The following ZNF804B variants were observed in gnomAD, a reference collection of about 807,000 sequenced individuals.
ZNF804B encodes zinc finger protein 804B, also known as zinc finger 804B.
A neutral mutation model predicts 101.4 loss-of-function variants in ZNF804B; 80 were observed. The ratio of observed to expected loss-of-function variants is 0.79; its 90% CI spans 0.66 to 0.95. ZNF804B has a LOEUF of 0.95. ZNF804B is among the 40% of genes least tolerant of loss of function. The probability of loss-of-function intolerance (pLI) is 0.00; values close to 1 mark genes in which losing one functional copy is unlikely to be tolerated. For synonymous variants in ZNF804B, 622 were observed against 558.8 expected (o/e 1.11, Z -1.59); for missense variants, 1,673 against 1,561.9 (o/e 1.07, Z -1.20).
chr7:89,123,833 T>C (rs1790440017), intron 1 of ZNF804B, among the ~76,000 whole-genome samples: 1 of 152,156 alleles, frequency 6.6e-6, no homozygotes, highest in African/African-American at 2.4e-5. Context: ...CCAGGTAGCC[T>C]GGAAACTTGG....
chr7:88,777,596 A>T (rs1215029171), intron 1 of ZNF804B, among the ~76,000 whole-genome samples: 2 of 152,152 alleles, frequency 1.3e-5, no homozygotes, highest in African/African-American at 4.8e-5. Context: ...TAATACCAGC[A>T]CTTTGGGAGG....
intron 1 of ZNF804B, among the ~76,000 whole-genome samples, chr7:88,846,147 A>T (rs1332112695): frequency 6.6e-6 from 1 of 152,236 alleles, no homozygotes; most frequent in East Asian, 1.9e-4. Context: ...ATAATGCCAT[A>T]ACTCTTGATG....
chr7:89,267,637 A>G (rs796705257), intron 2 of ZNF804B, among the ~76,000 whole-genome samples: 5 of 152,272 alleles, frequency 3.3e-5, no homozygotes, highest in African/African-American at 1.2e-4. Context: ...CTGGTTGTCC[A>G]CAGTCAGTTA....
At chr7:88,932,173 G>C (rs963385715) in intron 1 of ZNF804B, among the ~76,000 whole-genome samples, 9 of 151,792 alleles carry the variant, frequency 5.9e-5, no homozygotes, top group South Asian at 2.1e-4. Context: ...TGAGCTAAGA[G>C]TATTAAGCTG....
chr7:88,978,549 G>T (rs1405530511), intron 1 of ZNF804B, among the ~76,000 whole-genome samples: 2 of 150,972 alleles, frequency 1.3e-5, no homozygotes, highest in East Asian at 2.0e-4. Flanking sequence ...GGTTTCCATT[G>T]CCATGTAATA....
At chr7:89,099,721 C>A (rs913503554) in intron 1 of ZNF804B, among the ~76,000 whole-genome samples, 4 of 152,084 alleles carry the variant, frequency 2.6e-5, no homozygotes, top group Non-Finnish European at 4.4e-5. Context: ...AAGCCATCAT[C>A]CCATCTAGGT....
intron 2 of ZNF804B, among the ~76,000 whole-genome samples, chr7:89,315,595 A>C (rs1486327603): frequency 2.6e-5 from 4 of 152,202 alleles, no homozygotes; most frequent in African/African-American, 9.6e-5. Flanking sequence ...TATTATATAC[A>C]TTGATTTTAT....
At chr7:89,184,348 T>C (rs1331023405) in intron 1 of ZNF804B, among the ~76,000 whole-genome samples, 2 of 152,200 alleles carry the variant, frequency 1.3e-5, no homozygotes, top group African/African-American at 4.8e-5. Flanking sequence ...TAGATTCATC[T>C]TATAGATTAT....
intron 1 of ZNF804B, among the ~76,000 whole-genome samples, chr7:88,952,719 C>T (rs1374688907): frequency 6.6e-6 from 1 of 151,784 alleles, no homozygotes; most frequent in Non-Finnish European, 1.5e-5. Flanking sequence ...ACACCGTAAT[C>T]TATAATTCCC....
At chr7:88,762,900 T>C (rs1180934566) in intron 1 of ZNF804B, among the ~76,000 whole-genome samples, 1 of 152,162 alleles carries the variant, frequency 6.6e-6, no homozygotes, top group Non-Finnish European at 1.5e-5. Context: ...TCCTATTACT[T>C]TTGCTCCACA....
chr7:88,813,935 G>A (rs1204912373), intron 1 of ZNF804B, among the ~76,000 whole-genome samples: 2 of 152,150 alleles, frequency 1.3e-5, no homozygotes, highest in African/African-American at 2.4e-5. Flanking sequence ...CACTCACTAG[G>A]TTTTGTAGTG....
intron 1 of ZNF804B, among the ~76,000 whole-genome samples, chr7:88,899,360 C>T (rs1792355844): frequency 6.6e-6 from 1 of 152,230 alleles, no homozygotes; most frequent in Non-Finnish European, 1.5e-5. Flanking sequence ...AAAATCTGCT[C>T]TAAGGTTACA....
Position 88,960,951 on chromosome 7 carries a change from T to TG in ZNF804B, c.108+200868dup, listed in dbSNP as rs149133876. On this transcript the variant is annotated intron_variant, in intron 1 of 3. Transcript: ENST00000333190. ...TTCCTTCTGAATCCACCAATGATTT[T>TG]GTCATTGACAAATAACCTTGGATAA... 7.3e-3 allele frequency among the ~76,000 whole-genome samples: 1,110 copies of TG among 151,534 alleles called. 11 individuals are homozygous for TG. The highest frequency in any genetic ancestry group is 0.026 in the African/African-American group (1,072 of 41,478).
chr7:89,009,965 T>A (rs1195608133), intron 1 of ZNF804B, among the ~76,000 whole-genome samples: 1 of 152,198 alleles, frequency 6.6e-6, no homozygotes, highest in Non-Finnish European at 1.5e-5. Flanking sequence ...CTAAATCTCA[T>A]TTTCCATTAT....
At chr7:89,326,338 C>G (rs1790895423) in intron 2 of ZNF804B, among the ~76,000 whole-genome samples, 1 of 151,958 alleles carries the variant, frequency 6.6e-6, no homozygotes, top group South Asian at 2.1e-4. Flanking sequence ...GAGCATGTTT[C>G]ATTTAAAGAA....
At chr7:88,911,841 G>T (rs1030460372) in intron 1 of ZNF804B, among the ~76,000 whole-genome samples, 1 of 150,696 alleles carries the variant, frequency 6.6e-6, no homozygotes, top group Non-Finnish European at 1.5e-5. Flanking sequence ...TATAAGATTA[G>T]TTTTTCTGGT....
chr7:89,247,810 T>C (rs191583674), intron 2 of ZNF804B, among the ~76,000 whole-genome samples: 87 of 152,060 alleles, frequency 5.7e-4, no homozygotes, highest in Non-Finnish European at 1.1e-3. Context: ...ACAAGGAAGC[T>C]CAACAAGATC....
At chr7:89,028,244 AC>A (rs1349532708) in intron 1 of ZNF804B, among the ~76,000 whole-genome samples, 1 of 152,184 alleles carries the variant, frequency 6.6e-6, no homozygotes, top group Non-Finnish European at 1.5e-5. Flanking sequence ...ATTGGCAGGA[AC>A]TTGAGTTAAT....
At chr7:88,809,490 A>G (rs944840516) in intron 1 of ZNF804B, among the ~76,000 whole-genome samples, 4 of 152,190 alleles carry the variant, frequency 2.6e-5, no homozygotes, top group Non-Finnish European at 5.9e-5. Context: ...AATTGTCTTT[A>G]AAGGAAGGAT....
Sources: gnomAD v4.1 joint callset for allele counts (sites outside exome capture counted in the v4.1 genomes callset) on GRCh38, gnomAD v4.1.1 for gene constraint, MANE v1.5 for transcripts, NCBI Gene and HGNC (gene_info 2026-07-23, HGNC 2026-07-21) for gene names.